E2F7: variants seen among roughly 807,000 people sequenced by gnomAD.
The protein encoded by E2F7 is transcription factor E2F7.
E2F7 carries 35 observed loss-of-function variants against 81.1 expected under a neutral mutation model. The observed-to-expected ratio is 0.43, with a 90% confidence interval of 0.33 to 0.57. The LOEUF (loss-of-function observed/expected upper bound fraction) is 0.57. E2F7 is among the 20% of genes least tolerant of loss of function. The pLI, the probability that E2F7 is intolerant of heterozygous loss-of-function variation, is 0.04. For synonymous variants in E2F7, 416 were observed against 416.2 expected (o/e 1.00, Z 0.01); for missense variants, 961 against 1,093.7 (o/e 0.88, Z 1.71).
rs554574526 is a variant in E2F7 at position 77,033,167 on chromosome 12, T to C, written c.1310-45A>G. 3.3e-6 allele frequency: 5 copies of C among 1,520,460 alleles called. No individual in the cohort carries two copies. The African/African-American group carries it at 5.5e-5, about 17-fold the overall frequency. 94.2% of individuals were successfully genotyped at this position (1,520,460 alleles called of 1,614,324 possible). On this transcript the variant is annotated intron_variant, in intron 8 of 12. Transcript: ENST00000322886. ...CTTAACAAATATAGCAAGAGACTTA[T>C]ACATACCAACTATATACTGAGAATT...
chr12:77,032,768 C>A (rs1192355663), intron 9 of E2F7, among the ~76,000 whole-genome samples: 4 of 152,178 alleles, frequency 2.6e-5, no homozygotes, highest in African/African-American at 9.7e-5. Flanking sequence ...TCTGATACTT[C>A]ATTTCTCAGG....
chr12:77,041,406 G>A (rs1954894248), intron 7 of E2F7, among the ~76,000 whole-genome samples: 1 of 152,076 alleles, frequency 6.6e-6, no homozygotes, highest in Non-Finnish European at 1.5e-5. Context: ...GGTCAGGCTG[G>A]TCTTGAACTC....
rs1954788924 is a variant in E2F7, at chr12:77,029,755, T to A, written c.1884+76A>T. On this transcript the variant is annotated intron_variant, in intron 10 of 12. Coordinates refer to ENST00000322886, the MANE Select transcript of E2F7 (RefSeq NM_203394.3). ...TATTCCAGACTCCATTGCTTATTAA[T>A]ATCAGTGTATCTTCATTAGGAAGAA... 6 of 1,564,112 alleles carry A rather than the reference T, an allele frequency of 3.8e-6. No individual in the cohort carries two copies. The East Asian group carries it at 1.4e-4, about 35-fold the overall frequency.
chr12:77,043,005 TGGAAAA>T (rs1274615874), intron 7 of E2F7, 54 bp downstream of exon 7: 1 of 1,611,604 alleles, frequency 6.2e-7, no homozygotes, highest in African/African-American at 1.3e-5. Context: ...ATGTGAGACT[TGGAAAA>T]GGAACTGAGA....
chr12:77,040,158 GTGTTTCTTTTTA>G (rs908143993), intron 7 of E2F7, among the ~76,000 whole-genome samples: 3 of 152,054 alleles, frequency 2.0e-5, no homozygotes, highest in African/African-American at 7.2e-5. Flanking sequence ...TTGTTTATGT[GTGTTTCTTTTTA>G]AAGAAACCTT....
At chr12:77,042,738 G>GC (rs953957285) in intron 7 of E2F7, among the ~76,000 whole-genome samples, 1 of 152,088 alleles carries the variant, frequency 6.6e-6, no homozygotes, top group African/African-American at 2.4e-5. Context: ...TGCTAATGTA[G>GC]CAACAACTGG....
At chr12:77,035,408 C>T (rs1465350835) in intron 7 of E2F7, among the ~76,000 whole-genome samples, 1 of 152,166 alleles carries the variant, frequency 6.6e-6, no homozygotes, top group African/African-American at 2.4e-5. Context: ...TACAATGCAG[C>T]TCATATAGGA....
At chr12:77,051,079 A>C (rs1471323215) in intron 3 of E2F7, among the ~76,000 whole-genome samples, 1 of 152,208 alleles carries the variant, frequency 6.6e-6, no homozygotes, top group Non-Finnish European at 1.5e-5. Context: ...TGAGATGTAG[A>C]AGCTCAGGCA....
At chr12:77,049,715 A>C (rs1954970832) in intron 4 of E2F7, among the ~76,000 whole-genome samples, 1 of 152,160 alleles carries the variant, frequency 6.6e-6, no homozygotes, top group Non-Finnish European at 1.5e-5. Flanking sequence ...ATTCAAGTAG[A>C]CTTTCCTCTA....
intron 7 of E2F7, among the ~76,000 whole-genome samples, chr12:77,041,752 G>T (rs1044273593): frequency 1.1e-4 from 17 of 152,130 alleles, no homozygotes; most frequent in Admixed American, 3.3e-4. Flanking sequence ...TACAGAGCCA[G>T]TACCACCCCG....
intron 5 of E2F7, chr12:77,045,597 C>A: frequency 6.4e-6 from 1 of 157,408 alleles, no homozygotes; most frequent in Non-Finnish European, 1.4e-5. Context: ...AAAAATTCTG[C>A]ACCAAATGAA....
At chr12:77,025,413 A>G in intron 12 of E2F7, 145 bp downstream of exon 12, 2 of 806,452 alleles carry the variant, frequency 2.5e-6, no homozygotes, top group Non-Finnish European at 3.9e-6. Flanking sequence ...TTATAAAAGG[A>G]GCAGATAACT....
In E2F7 at chr12:77,028,439, G is replaced by A. The variant is rs563402396; in HGVS notation, c.1885-301C>T. The stretch of plus-strand genomic sequence containing the variant: ...ACTCCTGACCTCAGGTGATCCGCCC[G>A]TCTCAGCCTCCCAAAGTACTGGGAT... On this transcript the variant is annotated intron_variant, in intron 10 of 12. Transcript: ENST00000322886. 1.4e-4 allele frequency among the ~76,000 whole-genome samples: 21 copies of A among 151,504 alleles called. No homozygotes were observed. In the East Asian group the frequency reaches 1.6e-3, roughly 11 times the overall value.
chr12:77,050,065 T>C (rs1458761263), intron 4 of E2F7, among the ~76,000 whole-genome samples: 1 of 152,088 alleles, frequency 6.6e-6, no homozygotes, highest in Non-Finnish European at 1.5e-5. Flanking sequence ...TGTTATAAGG[T>C]TTAGTTGTTT....
Position 77,026,634 on chromosome 12 carries a change from T to G in E2F7, c.2141-652A>C, listed in dbSNP as rs1263083827. Among the ~76,000 whole-genome samples, 11 of 152,274 alleles carry G rather than the reference T, an allele frequency of 7.2e-5. No homozygotes were observed. The East Asian group carries it at 2.1e-3, about 29-fold the overall frequency. On this transcript the variant is annotated intron_variant, in intron 11 of 12. Coordinates refer to ENST00000322886, the MANE Select transcript of E2F7 (RefSeq NM_203394.3). ...CTTTATAAGTTCCTAACTGAAAATT[T>G]TTATTTCCCTCAATTATCACAGGCA... is the stretch of plus-strand genomic sequence containing the variant.
chr12:77,024,921 T>C (rs544740317), intron 12 of E2F7, among the ~76,000 whole-genome samples: 3 of 152,336 alleles, frequency 2.0e-5, no homozygotes, highest in South Asian at 2.1e-4. Flanking sequence ...TAATGTGTAA[T>C]AGGAATTCAA....
chr12:77,046,116 C>T lies in E2F7; in HGVS notation c.751G>A (p.Gly251Arg), dbSNP rs1409785601. The change falls in exon 5 of 13, where the codon GGA becomes AGA. Residue 251 changes from glycine (G) to arginine (R), a missense_variant. Gly to Arg is a moderately radical substitution (Grantham distance 125). Transcript: ENST00000322886. ...GGATCACCATCTTTTTTACGTTCTC[C>T]AAATTTATAATCTATCAGGTCCAGC... Reference protein sequence around the residue: ...KELDLIDYKFGERKKDGDPDS... With the variant: ...KELDLIDYKFRERKKDGDPDS... The T allele has an allele frequency of 1.2e-6, 2 of 1,614,018 alleles. No individual in the cohort carries two copies. The highest frequency in any genetic ancestry group is 2.2e-5 in the East Asian group (1 of 44,884).
intron 9 of E2F7, among the ~76,000 whole-genome samples, chr12:77,032,530 T>C (rs1188134991): frequency 6.6e-6 from 1 of 152,222 alleles, no homozygotes; most frequent in Non-Finnish European, 1.5e-5. Context: ...TCAGACAGCC[T>C]GGGTATGAAT....
intron 9 of E2F7, 39 bp downstream of exon 9, chr12:77,033,011 T>C (rs1209881170): frequency 1.3e-6 from 2 of 1,575,108 alleles, no homozygotes; most frequent in African/African-American, 1.4e-5. Context: ...CACTAGGAGA[T>C]AGAAAAGAAT....
Sources: allele counts gnomAD v4.1 joint callset (sites outside exome capture counted in the v4.1 genomes callset), GRCh38; gene constraint gnomAD v4.1.1; transcripts MANE v1.5; gene names NCBI Gene and HGNC (gene_info 2026-07-23, HGNC 2026-07-21).